The following SF3A1 variants were observed in gnomAD, a reference collection of about 807,000 sequenced individuals.
SF3A1 encodes SAP 114.
A neutral mutation model predicts 89.9 loss-of-function variants in SF3A1; 13 were observed. That is an observed-to-expected ratio of 0.14 (90% CI 0.09 to 0.23). The LOEUF (loss-of-function observed/expected upper bound fraction) is 0.23. SF3A1 is among the 10% of genes least tolerant of loss of function. SF3A1 has a pLI of 1.00. For synonymous variants in SF3A1, 405 were observed against 374.4 expected (o/e 1.08, Z -0.94); for missense variants, 604 against 1,022.1 (o/e 0.59, Z 5.58).
intron 13 of SF3A1, 53 bp from the exon 14 acceptor site, chr22:30,335,806 A>G (rs1931048082): frequency 1.4e-6 from 2 of 1,423,750 alleles, no homozygotes; most frequent in Non-Finnish European, 2.0e-6. Context: ...CCAATCAAGA[A>G]CTATGCTCTG....
chr22:30,339,938 C>T (rs1208566707), intron 9 of SF3A1, among the ~76,000 whole-genome samples: 1 of 152,194 alleles, frequency 6.6e-6, no homozygotes, highest in Non-Finnish European at 1.5e-5. Flanking sequence ...TTCTAAACAG[C>T]CACAGGAAGC....
At chr22:30,345,327 C>A in intron 3 of SF3A1, 137 bp from the exon 4 acceptor site, 1 of 768,932 alleles carries the variant, frequency 1.3e-6, no homozygotes, top group East Asian at 2.5e-5. Context: ...ATGCACACAC[C>A]ACTAGCACTT....
intron 3 of SF3A1, among the ~76,000 whole-genome samples, chr22:30,345,403 A>C (rs1243494016): frequency 6.6e-6 from 1 of 152,208 alleles, no homozygotes; most frequent in Non-Finnish European, 1.5e-5. Context: ...CAACTTCCTG[A>C]ATGGCTGAGT....
rs764385359 is a variant in SF3A1, at chr22:30,340,778, G to A, written c.1106C>T (p.Pro369Leu). The A allele has an allele frequency of 6.3e-7, 1 of 1,593,342 alleles. No individual in the cohort carries two copies. Among genetic ancestry groups the A allele is most frequent in the Non-Finnish European group, 8.5e-7 (1 of 1,170,720 alleles). ...SDDEEEGQKV[P>L]PPPETPMPPP... ...AGGCATGGGTGTCTCTGGGGGTGGG[G>A]GCACTTTCTGCCCTTCTTCTTCATC... is the stretch of plus-strand genomic sequence containing the variant. Residue 369 changes from proline to leucine, a missense_variant, in exon 8 of 16, where the codon CCC becomes CTC. By Grantham distance (98) the Pro-to-Leu change is moderately conservative (BLOSUM62 -3). This residue lies in a region of SF3A1 where 146 missense variants were observed against 228.5 expected (regional missense o/e 0.64). Transcript: ENST00000215793.
At chr22:30,340,144 G>A in intron 9 of SF3A1, 52 bp downstream of exon 9, 1 of 1,391,954 alleles carries the variant, frequency 7.2e-7, no homozygotes. Flanking sequence ...CTTAGAAGAA[G>A]ATGGCTGTAA....
At position 30,345,238 on chromosome 22, in the gene SF3A1, C is replaced by A. The variant is rs1236091289; in HGVS notation, c.394-48G>T. 1.9e-6 allele frequency: 3 copies of A among 1,570,186 alleles called. No individual in the cohort carries two copies. In the African/African-American group the frequency reaches 4.1e-5, roughly 22 times the overall value. On this transcript the variant is annotated intron_variant, in intron 3 of 15. Transcript: ENST00000215793. ...GGCGAGAGGCACAGGGGTGAACAGG[C>A]TCCAGGGGAGGGGAGGGGAGGGGAC...
intron 2 of SF3A1, among the ~76,000 whole-genome samples, chr22:30,349,220 C>G (rs1186546679): frequency 6.6e-6 from 1 of 152,222 alleles, no homozygotes; most frequent in Admixed American, 6.5e-5. Context: ...GTTCTGCATG[C>G]CTGCTTTAAC....
In SF3A1 at chr22:30,334,392, T is replaced by C. The variant is rs1204011178; in HGVS notation, c.*202A>G. The C allele has an allele frequency of 8.8e-6, 4 of 456,034 alleles. No individual in the cohort carries two copies. The highest frequency in any genetic ancestry group is 1.5e-5 in the Non-Finnish European group (4 of 258,716). The allele number at this position is 456,034 out of a possible 1,614,324, so 28.2% of individuals were successfully genotyped here. On this transcript the variant is annotated 3_prime_UTR_variant, in exon 16 of 16. Transcript: ENST00000215793. ...CACAAAGAGATTCCAGAGAGTGGCTTAGAAAACCCAGCTACTCTTACCAAT... is the reference window on the plus strand; with the variant it reads ...CACAAAGAGATTCCAGAGAGTGGCTCAGAAAACCCAGCTACTCTTACCAAT...
At chr22:30,340,963 C>T in intron 7 of SF3A1, 151 bp from the exon 8 acceptor site, 1 of 599,838 alleles carries the variant, frequency 1.7e-6, no homozygotes, top group Non-Finnish European at 2.9e-6. Flanking sequence ...GGCCAGCCGG[C>T]AGCAGGCCAA....
rs1417473521 is a variant in SF3A1, at chr22:30,334,499, C to A, written c.*95G>T. ...AGTAAGAGCGAAACAAATATGCAGG[C>A]AAGGCAAAGCCTCAGGGGGGCTCCT... On this transcript the variant is annotated 3_prime_UTR_variant, in exon 16 of 16. Coordinates refer to ENST00000215793, the MANE Select transcript of SF3A1 (RefSeq NM_005877.6). 3 of 719,726 alleles carry A rather than the reference C, an allele frequency of 4.2e-6. No homozygotes were observed. Among genetic ancestry groups the A allele is most frequent in the Non-Finnish European group, 6.9e-6 (3 of 433,454 alleles). The allele number at this position is 719,726 out of a possible 1,614,324, so 44.6% of individuals were successfully genotyped here.
At chr22:30,352,810 T>C (rs894679003) in intron 2 of SF3A1, 141 bp downstream of exon 2, 10 of 929,522 alleles carry the variant, frequency 1.1e-5, no homozygotes, top group Admixed American at 2.4e-5. Flanking sequence ...ACCTATTGCC[T>C]ACCCCAGTGC....
At position 30,337,129 on chromosome 22, in the gene SF3A1, G is replaced by T; in HGVS notation, c.2003C>A (p.Pro668His). The change falls in exon 13 of 16, where the codon CCC becomes CAC. Residue 668 changes from proline (P) to histidine (H), a missense_variant. Physicochemically the swap from Pro to His is moderately conservative, Grantham distance 77 (BLOSUM62 -2). This residue lies in a region of SF3A1 where 45 missense variants were observed against 41.1 expected (regional missense o/e 1.09). Coordinates refer to ENST00000215793, the MANE Select transcript of SF3A1 (RefSeq NM_005877.6). Reference sequence around the variant, plus strand: ...CATGGGAGGTGGGGGATGCACAGGGGGCATTGGGGCTGGAGCTGGGACAGG... The same window carrying T: ...CATGGGAGGTGGGGGATGCACAGGGTGCATTGGGGCTGGAGCTGGGACAGG... ...VAPVPAPAPM[P>H]PVHPPPPMED... The T allele has an allele frequency of 6.2e-7, 1 of 1,613,966 alleles. No homozygotes were observed. Among genetic ancestry groups the T allele is most frequent in the East Asian group, 2.2e-5 (1 of 44,890 alleles).
At chr22:30,335,378 TC>T in intron 15 of SF3A1, 88 bp downstream of exon 15, 1 of 1,113,344 alleles carries the variant, frequency 9.0e-7, no homozygotes, top group South Asian at 1.3e-5. Context: ...ATCACTCCAC[TC>T]CCCTTTTAGC....
At chr22:30,341,576 G>T in intron 7 of SF3A1, 116 bp downstream of exon 7, 5 of 555,260 alleles carry the variant, frequency 9.0e-6, no homozygotes, top group Non-Finnish European at 1.5e-5. Context: ...CCTTGTTCAG[G>T]ACCCACGCCT....
At chr22:30,340,526 A>C in intron 8 of SF3A1, 145 bp from the exon 9 acceptor site, 1 of 912,472 alleles carries the variant, frequency 1.1e-6, no homozygotes, top group Non-Finnish European at 1.8e-6. Flanking sequence ...CTAGGGCACC[A>C]GAGATGACTG....
At chr22:30,336,515 G>A (rs530165130) in intron 13 of SF3A1, among the ~76,000 whole-genome samples, 83 of 152,112 alleles carry the variant, frequency 5.5e-4, no homozygotes, top group Non-Finnish European at 1.1e-3. Flanking sequence ...AGCAGAGGCC[G>A]GGGCTGTTTC....
chr22:30,335,074 T>G (rs1279722237), intron 15 of SF3A1, among the ~76,000 whole-genome samples: 3 of 152,140 alleles, frequency 2.0e-5, no homozygotes, highest in Non-Finnish European at 4.4e-5. Flanking sequence ...AGAAGAACAT[T>G]AATGCCTCCA....
chr22:30,353,460 G>A (rs1931661338), intron 1 of SF3A1, among the ~76,000 whole-genome samples: 1 of 152,226 alleles, frequency 6.6e-6, no homozygotes, highest in African/African-American at 2.4e-5. Flanking sequence ...ACAGAAGTAA[G>A]ATAAATAGCT....
intron 9 of SF3A1, among the ~76,000 whole-genome samples, chr22:30,339,586 T>C (rs1931184182): frequency 6.6e-6 from 1 of 152,042 alleles, no homozygotes; most frequent in African/African-American, 2.4e-5. Context: ...CGAAACCCCG[T>C]CTCTACTGAA....
Sources: gnomAD v4.1 joint callset for allele counts (sites outside exome capture counted in the v4.1 genomes callset) on GRCh38, gnomAD v4.1.1 for gene constraint, gnomAD v4.1.1 regional missense constraint, MANE v1.5 for transcripts, NCBI Gene and HGNC (gene_info 2026-07-23, HGNC 2026-07-21) for gene names.